Variants in OSBPL1A observed in about 807,000 individuals in gnomAD.
OSBPL1A encodes oxysterol binding protein like 1A, also known as oxysterol-binding protein-related protein 1.
Under a neutral mutation model 137.1 loss-of-function variants are expected in OSBPL1A, and 80 were observed. That is an observed-to-expected ratio of 0.58 (90% confidence interval 0.49 to 0.70). The LOEUF is 0.70. OSBPL1A is among the 30% of genes least tolerant of loss of function. OSBPL1A has a pLI of 0.00. For missense variants in OSBPL1A, 970 were observed against 1,129.4 expected (o/e 0.86, Z 2.02); for synonymous variants, 365 against 389.7 (o/e 0.94, Z 0.75).
rs149925269 is a variant in OSBPL1A at position 24,207,141 on chromosome 18, C to A, written c.1602-10941G>T. Among the ~76,000 whole-genome samples, 1,149 of 152,172 alleles carry A rather than the reference C, an allele frequency of 7.6e-3. 14 individuals are homozygous for A. The highest frequency in any genetic ancestry group is 0.026 in the African/African-American group (1,079 of 41,510). ...CTCTGTCACCCAGGCTGGAGTGCAG[C>A]GGTGCGATCTTGGCTCATGGCAACC... On this transcript the variant is annotated intron_variant, in intron 17 of 27. Coordinates refer to ENST00000319481, the MANE Select transcript of OSBPL1A (RefSeq NM_080597.4).
At chr18:24,200,561 CAAAAAAAA>C (rs893025554) in intron 17 of OSBPL1A, among the ~76,000 whole-genome samples, 12 of 70,464 alleles carry the variant, frequency 1.7e-4, no homozygotes, top group African/African-American at 5.4e-4. Context: ...GACTCCGTGT[CAAAAAAAA>C]AAAAAAAAAA....
chr18:24,320,983 G>C (rs1343165595), intron 7 of OSBPL1A, among the ~76,000 whole-genome samples: 2 of 147,096 alleles, frequency 1.4e-5, no homozygotes, highest in Admixed American at 1.4e-4. Flanking sequence ...AGCTGAGATC[G>C]CGCCATTGCA....
intron 17 of OSBPL1A, among the ~76,000 whole-genome samples, chr18:24,208,967 C>G (rs2087451529): frequency 6.6e-6 from 1 of 152,172 alleles, no homozygotes; most frequent in South Asian, 2.1e-4. Context: ...ACTGGTGATA[C>G]ACCAGAGAGC....
intron 17 of OSBPL1A, among the ~76,000 whole-genome samples, chr18:24,203,296 CA>C (rs1475733994): frequency 6.6e-6 from 1 of 152,068 alleles, no homozygotes; most frequent in African/African-American, 2.4e-5. Context: ...TATTATATAA[CA>C]AAGGAAATGA....
chr18:24,349,228 T>C (rs1252994987), intron 4 of OSBPL1A, among the ~76,000 whole-genome samples: 1 of 151,924 alleles, frequency 6.6e-6, no homozygotes, highest in Admixed American at 6.6e-5. Flanking sequence ...AAAGTGTCAA[T>C]ATTAAATATG....
chr18:24,197,181 C>T (rs761039976), intron 17 of OSBPL1A, among the ~76,000 whole-genome samples: 1 of 152,096 alleles, frequency 6.6e-6, no homozygotes, highest in Non-Finnish European at 1.5e-5. Flanking sequence ...AACCCATCTC[C>T]ACTAAAAATA....
At chr18:24,327,131 G>A (rs1161349473) in intron 7 of OSBPL1A, among the ~76,000 whole-genome samples, 7 of 135,386 alleles carry the variant, frequency 5.2e-5, no homozygotes, top group East Asian at 2.0e-4. Context: ...TTTTTGAAAC[G>A]GAGTCTTGCT....
At chr18:24,293,236 T>C (rs2090218360) in intron 14 of OSBPL1A, among the ~76,000 whole-genome samples, 1 of 151,600 alleles carries the variant, frequency 6.6e-6, no homozygotes, top group Non-Finnish European at 1.5e-5. Flanking sequence ...CGGGACACAG[T>C]TACCATCCTG....
chr18:24,385,585 A>T (rs1053281896), intron 1 of OSBPL1A, among the ~76,000 whole-genome samples: 27 of 152,262 alleles, frequency 1.8e-4, no homozygotes, highest in African/African-American at 6.5e-4. Flanking sequence ...GGGTGGCAGC[A>T]GCTGAAACCA....
chr18:24,310,432 C>CA (rs3039412), intron 13 of OSBPL1A, among the ~76,000 whole-genome samples: 6,797 of 89,686 alleles, frequency 0.076, 392 homozygotes, highest in African/African-American at 0.18. Flanking sequence ...ACTAAAAATA[C>CA]AAAAAAAAAA....
intron 5 of OSBPL1A, among the ~76,000 whole-genome samples, chr18:24,335,261 C>G (rs1446130067): frequency 1.3e-5 from 2 of 152,174 alleles, no homozygotes; most frequent in Non-Finnish European, 2.9e-5. Context: ...AAAATACTAA[C>G]TCATTAAATC....
At chr18:24,343,820 G>A (rs2091304860) in intron 4 of OSBPL1A, among the ~76,000 whole-genome samples, 3 of 152,086 alleles carry the variant, frequency 2.0e-5, no homozygotes, top group South Asian at 2.1e-4. Context: ...AAACTAACTC[G>A]ATATAGGTCA....
intron 18 of OSBPL1A, among the ~76,000 whole-genome samples, chr18:24,185,509 C>T (rs1451219012): frequency 4.6e-5 from 7 of 151,888 alleles, no homozygotes; most frequent in Non-Finnish European, 8.8e-5. Context: ...TTAGTAGAGA[C>T]GAGGTTTCAC....
chr18:24,273,200 G>A (rs998589127), intron 15 of OSBPL1A, among the ~76,000 whole-genome samples: 3 of 152,166 alleles, frequency 2.0e-5, no homozygotes, highest in South Asian at 2.1e-4. Flanking sequence ...GAGCCACCAC[G>A]CCCAGCCTCA....
chr18:24,255,756 ATT>A (rs536171928), intron 15 of OSBPL1A, among the ~76,000 whole-genome samples: 1,942 of 138,034 alleles, frequency 0.014, 32 homozygotes, highest in African/African-American at 0.043. Flanking sequence ...AAACTTTCTA[ATT>A]TTTTTTTTTT....
chr18:24,170,315 C>T lies in OSBPL1A; in HGVS notation c.2418+12G>A. 1 of 1,614,018 alleles carries T rather than the reference C, an allele frequency of 6.2e-7. No individual in the cohort carries two copies. Among genetic ancestry groups the T allele is most frequent in the Non-Finnish European group, 8.5e-7 (1 of 1,179,968 alleles). On this transcript the variant is annotated intron_variant, in intron 24 of 27. Coordinates refer to ENST00000319481, the MANE Select transcript of OSBPL1A (RefSeq NM_080597.4). ...CAGTTATTCCTTCGATACCACCTTA[C>T]AGGATGTTCACCTGTTTGCTGTTCT...
At chr18:24,174,418 T>C (rs2086371282) in intron 21 of OSBPL1A, among the ~76,000 whole-genome samples, 1 of 152,206 alleles carries the variant, frequency 6.6e-6, no homozygotes, top group Admixed American at 6.5e-5. Context: ...CTGAAACTTT[T>C]TGAGCACTGA....
intron 14 of OSBPL1A, among the ~76,000 whole-genome samples, chr18:24,289,613 G>A (rs563230464): frequency 8.6e-5 from 13 of 151,958 alleles, no homozygotes; most frequent in African/African-American, 2.7e-4. Flanking sequence ...TAGAGACAGG[G>A]TTTCGCCATG....
At chr18:24,311,345 G>T in intron 13 of OSBPL1A, 1 of 395,752 alleles carries the variant, frequency 2.5e-6, no homozygotes, top group Non-Finnish European at 3.4e-6. Flanking sequence ...TCATTCCATA[G>T]TTCTAATTCT....
Sources: gnomAD v4.1 joint callset for allele counts (sites outside exome capture counted in the v4.1 genomes callset) on GRCh38, gnomAD v4.1.1 for gene constraint, MANE v1.5 for transcripts, NCBI Gene and HGNC (gene_info 2026-07-23, HGNC 2026-07-21) for gene names.